Variants in PKD2L1 observed in about 807,000 individuals in gnomAD.
PKD2L1 encodes polycystin 2 like 1, transient receptor potential cation channel.
Under a neutral mutation model 93.0 loss-of-function variants are expected in PKD2L1, and 77 were observed. The observed-to-expected ratio is 0.83, with a 90% CI of 0.69 to 1.00. PKD2L1 has a LOEUF of 1.00. Among genes scored for constraint, PKD2L1 ranks in the 50% least tolerant of loss-of-function variants. The pLI is 0.00. For synonymous variants in PKD2L1, 390 were observed against 388.0 expected, an observed-to-expected ratio of 1.01 and a Z score of -0.06; for missense variants, 977 against 990.9, an observed-to-expected ratio of 0.99 and a Z score of 0.19.
chr10:100,293,431 A>C (rs1198412708), intron 9 of PKD2L1, 52 bp from the exon 10 acceptor site: 2 of 1,191,804 alleles, frequency 1.7e-6, no homozygotes, highest in Non-Finnish European at 2.5e-6. Flanking sequence ...CACTGAAAGG[A>C]TTGAGCCCAC....
chr10:100,303,473 C>A (rs77661755), intron 2 of PKD2L1, among the ~76,000 whole-genome samples: 1 of 152,098 alleles, frequency 6.6e-6, no homozygotes. Context: ...CATGAGCCAC[C>A]GCGCCCGGCC....
intron 12 of PKD2L1, 125 bp downstream of exon 12, chr10:100,291,175 TA>T (rs1160481317): frequency 3.0e-6 from 3 of 984,796 alleles, no homozygotes; most frequent in Non-Finnish European, 4.5e-6. Flanking sequence ...TGGGAACTAC[TA>T]TTCTAGAGAG....
Position 100,297,256 on chromosome 10 carries a change from G to A in PKD2L1, c.957-48C>T, listed in dbSNP as rs780683620. 75 of 1,574,404 alleles carry A rather than the reference G, an allele frequency of 4.8e-5. No homozygotes were observed. In the East Asian group the frequency reaches 5.6e-4, roughly 12 times the overall value. ...CCTCCAGTGGAGCCTTCGCTGGGAC[G>A]GCTCCTCCCACTTCCTCTCCTCTCC... On this transcript the variant is annotated intron_variant, in intron 5 of 15. Coordinates refer to ENST00000318222, the MANE Select transcript of PKD2L1 (RefSeq NM_016112.3).
At chr10:100,327,334 A>C (rs533857860) in intron 2 of PKD2L1, among the ~76,000 whole-genome samples, 1 of 152,348 alleles carries the variant, frequency 6.6e-6, no homozygotes, top group African/African-American at 2.4e-5. Context: ...CTGTCTGCTC[A>C]AGGACTCTGT....
chr10:100,301,365 G>T (rs553489997), intron 2 of PKD2L1, among the ~76,000 whole-genome samples: 13 of 152,242 alleles, frequency 8.5e-5, no homozygotes, highest in Non-Finnish European at 1.5e-5. Flanking sequence ...ATCCTAGGAA[G>T]CCTGGGGGCA....
At chr10:100,318,034 T>C (rs566031694) in intron 2 of PKD2L1, among the ~76,000 whole-genome samples, 1 of 151,698 alleles carries the variant, frequency 6.6e-6, no homozygotes, top group South Asian at 2.1e-4. Context: ...GAGCCAAGAT[T>C]GCACCACTGC....
Position 100,293,333 on chromosome 10 carries a change from T to C in PKD2L1, c.1706A>G (p.Glu569Gly), listed in dbSNP as rs1848448252. Residue 569 changes from glutamate to glycine, a missense_variant, in exon 10 of 16, where the codon GAG (glutamate) becomes GGG (glycine). By Grantham distance (98) the Glu-to-Gly change is moderately conservative. Transcript: ENST00000318222. ...CTCATCCTTCTGTCCAGCCAGCTCC[T>C]CCTTGACCTCTGAATATGTGTCATT... ...IINDTYSEVKEELAGQKDELQ... is the reference protein window; with the variant it reads ...IINDTYSEVKGELAGQKDELQ... 5 of 1,613,826 alleles carry C rather than the reference T, an allele frequency of 3.1e-6. No individual in the cohort carries two copies. Among genetic ancestry groups the C allele is most frequent in the Non-Finnish European group, 4.2e-6 (5 of 1,179,680 alleles).
rs537804714 is a variant in PKD2L1 at position 100,322,517 on chromosome 10, A to T, written c.349+6694T>A. On this transcript the variant is annotated intron_variant, in intron 2 of 15. Coordinates refer to ENST00000318222, the MANE Select transcript of PKD2L1 (RefSeq NM_016112.3). Reference sequence around the variant, plus strand: ...ACTTAGAAATATGATGAAATGTTATAAATGATGAAAGTATACAATATAATA... The same window carrying T: ...ACTTAGAAATATGATGAAATGTTATTAATGATGAAAGTATACAATATAATA... Among the ~76,000 whole-genome samples, 168 of 152,336 alleles carry T rather than the reference A, an allele frequency of 1.1e-3. 3 individuals carry two copies. The South Asian group carries it at 0.033, about 30-fold the overall frequency.
At chr10:100,302,025 G>A (rs1564885686) in intron 2 of PKD2L1, among the ~76,000 whole-genome samples, 1 of 152,102 alleles carries the variant, frequency 6.6e-6, no homozygotes, top group Non-Finnish European at 1.5e-5. Flanking sequence ...AGTAGAGATG[G>A]CGTTTCTCCA....
At chr10:100,321,680 A>G (rs567876411) in intron 2 of PKD2L1, among the ~76,000 whole-genome samples, 2 of 604 alleles carry the variant, frequency 3.3e-3, no homozygotes, top group East Asian at 0.05. Flanking sequence ...AGAAAGAAAG[A>G]AAGAAAGAAA....
At chr10:100,294,822 C>A in intron 8 of PKD2L1, 120 bp downstream of exon 8, 1 of 1,305,432 alleles carries the variant, frequency 7.7e-7, no homozygotes, top group Non-Finnish European at 1.1e-6. Flanking sequence ...GAGACCCTCA[C>A]ACAGATGCTT....
intron 1 of PKD2L1, 57 bp from the exon 2 acceptor site, chr10:100,329,381 TCCCCA>T: frequency 6.2e-7 from 1 of 1,612,464 alleles, no homozygotes; most frequent in African/African-American, 1.3e-5. Context: ...CTCCCAGTCA[TCCCCA>T]CCCATCTGTC....
chr10:100,293,517 C>T lies in PKD2L1; in HGVS notation c.1660-138G>A, dbSNP rs921737213. 1.9e-5 allele frequency: 12 copies of T among 635,958 alleles called. No individual in the cohort carries two copies. In the Admixed American group the frequency reaches 2.6e-4, roughly 14 times the overall value. The allele number at this position is 635,958 out of a possible 1,614,324, so 39.4% of individuals were successfully genotyped here. Reference sequence around the variant, plus strand: ...ACCCCAGTTCGGCAGCCCATCAATCCCTGCCTCTCAGGGTCCCCAGAGCCC... The same window carrying T: ...ACCCCAGTTCGGCAGCCCATCAATCTCTGCCTCTCAGGGTCCCCAGAGCCC... On this transcript the variant is annotated intron_variant, in intron 9 of 15. Transcript: ENST00000318222.
intron 2 of PKD2L1, among the ~76,000 whole-genome samples, chr10:100,305,611 G>C (rs1364264645): frequency 6.6e-6 from 1 of 152,116 alleles, no homozygotes; most frequent in Non-Finnish European, 1.5e-5. Flanking sequence ...GATTGACCTA[G>C]CAAGCAAGCA....
chr10:100,324,160 C>G (rs916286140), intron 2 of PKD2L1, among the ~76,000 whole-genome samples: 2 of 152,158 alleles, frequency 1.3e-5, no homozygotes, highest in Non-Finnish European at 2.9e-5. Context: ...TTTAGGTTCA[C>G]AGCAAAATTG....
At chr10:100,308,428 A>G (rs979366231) in intron 2 of PKD2L1, among the ~76,000 whole-genome samples, 5 of 151,392 alleles carry the variant, frequency 3.3e-5, no homozygotes, top group African/African-American at 9.7e-5. Flanking sequence ...TCTGCCTCCT[A>G]GGTTCAAGCA....
At chr10:100,291,781 A>G (rs1848412386) in intron 11 of PKD2L1, among the ~76,000 whole-genome samples, 1 of 152,124 alleles carries the variant, frequency 6.6e-6, no homozygotes, top group Non-Finnish European at 1.5e-5. Context: ...ATGCAGATCT[A>G]AAAATGTGCC....
chr10:100,295,896 C>T (rs1190691820), intron 7 of PKD2L1, among the ~76,000 whole-genome samples: 1 of 146,058 alleles, frequency 6.8e-6, no homozygotes, highest in Admixed American at 6.8e-5. Flanking sequence ...ATTAGCCAGG[C>T]GTGGTGGTGG....
intron 2 of PKD2L1, among the ~76,000 whole-genome samples, chr10:100,326,559 C>T (rs980271108): frequency 2.0e-5 from 3 of 152,246 alleles, no homozygotes; most frequent in Non-Finnish European, 4.4e-5. Context: ...TCACAGTACT[C>T]TGTGCTGGTC....
Sources: allele counts gnomAD v4.1 joint callset (sites outside exome capture counted in the v4.1 genomes callset), GRCh38; gene constraint gnomAD v4.1.1; transcripts MANE v1.5; gene names NCBI Gene and HGNC (gene_info 2026-07-23, HGNC 2026-07-21).